The following DISC1 variants were observed in gnomAD, a reference collection of about 807,000 sequenced individuals.
DISC1 encodes disrupted in schizophrenia 1 protein.
In DISC1, 57 loss-of-function variants were observed where a neutral mutation model predicts 84.5. That is an observed-to-expected ratio of 0.67 (90% CI 0.55 to 0.84). The LOEUF is 0.84. Among genes scored for constraint, DISC1 ranks in the 40% least tolerant of loss-of-function variants. The pLI, the probability that DISC1 is intolerant of heterozygous loss-of-function variation, is 0.00. For synonymous variants in DISC1, 411 were observed against 415.2 expected (o/e 0.99, Z 0.12); for missense variants, 1,000 against 1,057.8 (o/e 0.95, Z 0.76).
chr1:231,747,118 A>T lies in DISC1; in HGVS notation c.1118-2808A>T, dbSNP rs147755742. Among the ~76,000 whole-genome samples the T allele has an allele frequency of 1.3e-3, 192 of 151,908 alleles. 1 individual carries two copies. The highest frequency in any genetic ancestry group is 4.4e-3 in the African/African-American group (183 of 41,398). ...CTAATTTTTGTATTTTTGTGTAGAG[A>T]TGGTGTTTCACCATGTTTCCCAGGC... On this transcript the variant is annotated intron_variant, in intron 3 of 12. Transcript: ENST00000439617.
intron 3 of DISC1, 140 bp downstream of exon 3, chr1:231,702,164 C>G (rs977665585): frequency 5.6e-6 from 8 of 1,425,986 alleles, no homozygotes; most frequent in East Asian, 2.8e-5. Context: ...ATAGTTGACT[C>G]TTTTACAGCA....
At chr1:231,903,115 G>A (rs907402584) in intron 9 of DISC1, among the ~76,000 whole-genome samples, 2 of 149,438 alleles carry the variant, frequency 1.3e-5, no homozygotes, top group African/African-American at 4.9e-5. Context: ...AGGCTGGAGT[G>A]CAGTGGTGCA....
At chr1:231,649,808 G>A (rs2060463407) in intron 1 of DISC1, among the ~76,000 whole-genome samples, 1 of 152,174 alleles carries the variant, frequency 6.6e-6, no homozygotes, top group South Asian at 2.1e-4. Context: ...TTGCCATTAT[G>A]TAATGGCCTT....
At chr1:231,759,510 G>C (rs978194079) in intron 4 of DISC1, among the ~76,000 whole-genome samples, 1 of 100,144 alleles carries the variant, frequency 1.0e-5, no homozygotes, top group Admixed American at 1.7e-4. Flanking sequence ...GCAACATAGT[G>C]AGACCCCCAT....
chr1:232,008,818 A>C lies in DISC1; in HGVS notation c.2076A>C (p.Glu692Asp). The C allele has an allele frequency of 6.3e-7, 1 of 1,593,954 alleles. No homozygotes were observed. Among genetic ancestry groups the C allele is most frequent in the Non-Finnish European group, 8.6e-7 (1 of 1,168,994 alleles). ...GTCCACTGCTTGGGAAAGTGTGGGA[A>C]GCTGACTTGGAAGCTTGTCGATTGC... ...CKCPLLGKVW[E>D]ADLEACRLLI... Residue 692 changes from glutamate to aspartate, a missense_variant, in exon 11 of 13, where the codon GAA becomes GAC. This residue lies in a region of DISC1 where 397 missense variants were observed against 377.5 expected (regional missense o/e 1.05). Transcript: ENST00000439617.
intron 8 of DISC1, among the ~76,000 whole-genome samples, chr1:231,806,306 C>T (rs372929618): frequency 2.0e-5 from 3 of 152,292 alleles, no homozygotes; most frequent in Non-Finnish European, 2.9e-5. Context: ...AAAAGGGCAG[C>T]GGTGGCATCC....
intron 4 of DISC1, among the ~76,000 whole-genome samples, chr1:231,762,210 TTTCTC>T (rs1410368937): frequency 4.1e-4 from 7 of 17,130 alleles, no homozygotes; most frequent in African/African-American, 9.2e-4. Flanking sequence ...TTTCTTTTCT[TTTCTC>T]TTCTTTTCTT....
chr1:232,003,272 TA>T (rs1365582789), intron 10 of DISC1, among the ~76,000 whole-genome samples: 1 of 152,034 alleles, frequency 6.6e-6, no homozygotes, highest in Non-Finnish European at 1.5e-5. Context: ...ACTGAAAACA[TA>T]GAATGGTAAA....
At chr1:231,648,487 G>A (rs1332303755) in intron 1 of DISC1, among the ~76,000 whole-genome samples, 3 of 152,124 alleles carry the variant, frequency 2.0e-5, no homozygotes, top group Non-Finnish European at 2.9e-5. Flanking sequence ...TTTTTGCATC[G>A]ACGTTCATCA....
At chr1:231,748,305 G>T (rs181946493) in intron 3 of DISC1, among the ~76,000 whole-genome samples, 1 of 152,164 alleles carries the variant, frequency 6.6e-6, no homozygotes, top group Non-Finnish European at 1.5e-5. Context: ...GGGCATCCTT[G>T]TGCTGTTCCA....
chr1:231,742,876 A>C (rs2073481634), intron 3 of DISC1, among the ~76,000 whole-genome samples: 1 of 152,234 alleles, frequency 6.6e-6, no homozygotes, highest in African/African-American at 2.4e-5. Context: ...TAGGTGACAG[A>C]GCAACACTTT....
chr1:231,647,817 A>G (rs1482597587), intron 1 of DISC1, among the ~76,000 whole-genome samples: 1 of 152,124 alleles, frequency 6.6e-6, no homozygotes, highest in African/African-American at 2.4e-5. Context: ...TTCTCTTTGT[A>G]GCAATTGTGA....
At chr1:231,658,485 G>T (rs529721720) in intron 1 of DISC1, among the ~76,000 whole-genome samples, 7 of 152,220 alleles carry the variant, frequency 4.6e-5, no homozygotes, top group Admixed American at 4.6e-4. Context: ...TCTCTTATCT[G>T]ATTGCCCTGG....
intron 6 of DISC1, among the ~76,000 whole-genome samples, chr1:231,786,655 G>T (rs1053490945): frequency 6.6e-6 from 1 of 152,234 alleles, no homozygotes; most frequent in Non-Finnish European, 1.5e-5. Flanking sequence ...CTGACATTGT[G>T]TCCCAGAGTA....
intron 3 of DISC1, among the ~76,000 whole-genome samples, chr1:231,708,304 G>A (rs2067343426): frequency 6.6e-6 from 1 of 152,112 alleles, no homozygotes; most frequent in Admixed American, 6.5e-5. Context: ...AGGCAAACTG[G>A]TCTCTCTCTG....
intron 6 of DISC1, among the ~76,000 whole-genome samples, chr1:231,784,083 T>C (rs2077643786): frequency 6.6e-6 from 1 of 152,014 alleles, no homozygotes; most frequent in Non-Finnish European, 1.5e-5. Flanking sequence ...CCCAACATGG[T>C]GAAACCCTGT....
rs193194657 is a variant in DISC1 at position 231,727,090 on chromosome 1, G to T, written c.1118-22836G>T. On this transcript the variant is annotated intron_variant, in intron 3 of 12. Transcript: ENST00000439617. ...CACCAGCTCATCCCTGCCTGCTCCT[G>T]CTTGTCTTCAGGTGTCTGCAAGATG... Among the ~76,000 whole-genome samples the T allele has an allele frequency of 1.5e-3, 227 of 152,160 alleles. 1 individual carries two copies. Among genetic ancestry groups the T allele is most frequent in the Non-Finnish European group, 5.0e-4 (34 of 67,994 alleles).
intron 9 of DISC1, among the ~76,000 whole-genome samples, chr1:231,926,681 C>T (rs2090376409): frequency 6.6e-6 from 1 of 152,112 alleles, no homozygotes; most frequent in Non-Finnish European, 1.5e-5. Context: ...GAGGATGAGG[C>T]AGTAATAGCA....
chr1:231,701,774 GA>G (rs1333215740), intron 2 of DISC1, among the ~76,000 whole-genome samples, 180 bp from the exon 3 acceptor site: 4 of 151,426 alleles, frequency 2.6e-5, no homozygotes, highest in Admixed American at 6.6e-5. Flanking sequence ...TCTTTACATA[GA>G]TTTTTTTTGG....
Sources: gnomAD v4.1 joint callset for allele counts (sites outside exome capture counted in the v4.1 genomes callset) on GRCh38, gnomAD v4.1.1 for gene constraint, gnomAD v4.1.1 regional missense constraint, MANE v1.5 for transcripts, NCBI Gene and HGNC (gene_info 2026-07-23, HGNC 2026-07-21) for gene names.